Variants in DACH2 observed in about 807,000 individuals in gnomAD.
DACH2 encodes dachshund family transcription factor 2, also known as dachshund homolog 2.
A neutral mutation model predicts 35.8 loss-of-function variants in DACH2; 17 were observed. The observed-to-expected ratio is 0.48, with a 90% CI of 0.33 to 0.71. The LOEUF is 0.71. Among genes scored for constraint, DACH2 ranks in the 30% least tolerant of loss-of-function variants. The probability of loss-of-function intolerance (pLI) is 0.02; values close to 1 mark genes in which losing one functional copy is unlikely to be tolerated. For synonymous variants in DACH2, 195 were observed against 177.3 expected (o/e 1.10, Z -0.79); for missense variants, 469 against 472.7 (o/e 0.99, Z 0.07).
intron 1 of DACH2, among the ~76,000 whole-genome samples, chrX:86,250,922 C>T (rs1342839929): frequency 9.0e-6 from 1 of 111,253 alleles, no homozygotes; most frequent in African/African-American, 3.3e-5. Flanking sequence ...AATCTCACTG[C>T]TGTTGTCTTA....
At chrX:86,226,943 A>C (rs2032838724) in intron 1 of DACH2, among the ~76,000 whole-genome samples, 1 of 111,682 alleles carries the variant, frequency 9.0e-6, no homozygotes, top group East Asian at 2.8e-4. Flanking sequence ...CTGTTATAAA[A>C]ATAAAAATAC....
At chrX:86,431,595 A>C (rs1327344261) in intron 2 of DACH2, among the ~76,000 whole-genome samples, 1 of 111,796 alleles carries the variant, frequency 8.9e-6, no homozygotes, top group African/African-American at 3.2e-5. Context: ...CGAATGGCAT[A>C]CATAGAATGA....
intron 1 of DACH2, among the ~76,000 whole-genome samples, chrX:86,197,934 CA>C (rs1483746943): frequency 8.9e-6 from 1 of 111,970 alleles, no homozygotes; most frequent in East Asian, 2.8e-4. Context: ...CTACAGAACT[CA>C]CCACCCAAAG....
intron 3 of DACH2, among the ~76,000 whole-genome samples, chrX:86,633,204 C>G (rs964101869): frequency 2.7e-5 from 3 of 110,207 alleles, no homozygotes; most frequent in Non-Finnish European, 5.7e-5. Flanking sequence ...ATGGATAAAG[C>G]TCTAGTTGGA....
At chrX:86,768,248 A>T (rs775168723) in intron 7 of DACH2, among the ~76,000 whole-genome samples, 4 of 111,801 alleles carry the variant, frequency 3.6e-5, no homozygotes, top group African/African-American at 6.5e-5. Context: ...GTTTAAGCAA[A>T]GTAATTACAA....
intron 1 of DACH2, among the ~76,000 whole-genome samples, chrX:86,171,393 C>T (rs190694071): frequency 9.0e-6 from 1 of 111,162 alleles, no homozygotes; most frequent in Non-Finnish European, 1.9e-5. Flanking sequence ...GTCCATGTCT[C>T]TGGGCCTAGT....
At chrX:86,335,508 G>A (rs1338395747) in intron 1 of DACH2, among the ~76,000 whole-genome samples, 1 of 111,063 alleles carries the variant, frequency 9.0e-6, no homozygotes. Flanking sequence ...TATTCTCTTT[G>A]TAGAAATTGT....
At chrX:86,465,771 T>C (rs1569411550) in intron 2 of DACH2, among the ~76,000 whole-genome samples, 1 of 112,210 alleles carries the variant, frequency 8.9e-6, no homozygotes, top group African/African-American at 3.2e-5. Flanking sequence ...CAAATATGGA[T>C]AATATGTTTG....
intron 3 of DACH2, among the ~76,000 whole-genome samples, chrX:86,612,120 T>G (rs183330592): frequency 2.2e-4 from 24 of 108,494 alleles, no homozygotes; most frequent in African/African-American, 8.0e-4. Context: ...GGTTCCCTTC[T>G]TGCCCGGGTT....
chrX:86,796,809 C>A (rs1259905917), intron 7 of DACH2, among the ~76,000 whole-genome samples: 1 of 111,383 alleles, frequency 9.0e-6, no homozygotes, highest in Non-Finnish European at 1.9e-5. Context: ...GCTCTGAGTA[C>A]AATAGTCACA....
chrX:86,739,735 C>T lies in DACH2; in HGVS notation c.1105-12C>T. On this transcript the variant is annotated splice_polypyrimidine_tract_variant and intron_variant, in intron 6 of 11. Coordinates refer to ENST00000373125, the MANE Select transcript of DACH2 (RefSeq NM_053281.3). ...TAGATGACATTTCCTTTTGTGTTTCCTTTTGTGTCAGGAGCGGATCCCAGA... is the reference window on the plus strand; with the variant it reads ...TAGATGACATTTCCTTTTGTGTTTCTTTTTGTGTCAGGAGCGGATCCCAGA... 6 of 1,166,697 alleles carry T rather than the reference C, an allele frequency of 5.1e-6. No homozygotes were observed. The highest frequency in any genetic ancestry group is 6.9e-6 in the Non-Finnish European group (6 of 872,862).
At chrX:86,280,789 G>A (rs2034010564) in intron 1 of DACH2, among the ~76,000 whole-genome samples, 1 of 111,577 alleles carries the variant, frequency 9.0e-6, no homozygotes, top group South Asian at 3.7e-4. Flanking sequence ...ACAAATAGCA[G>A]CGTTTGCAAT....
At chrX:86,452,816 C>T (rs924859296) in intron 2 of DACH2, among the ~76,000 whole-genome samples, 8 of 110,725 alleles carry the variant, frequency 7.2e-5, no homozygotes, top group Non-Finnish European at 1.5e-4. Flanking sequence ...TCTCTATATC[C>T]TTCAGTTCAG....
At chrX:86,149,628 G>A (rs1270360762) in intron 1 of DACH2, among the ~76,000 whole-genome samples, 1 of 111,586 alleles carries the variant, frequency 9.0e-6, no homozygotes, top group Non-Finnish European at 1.9e-5. Context: ...TCCCCATCCC[G>A]TGTGTTTGTT....
At chrX:86,422,734 C>T (rs1249551449) in intron 2 of DACH2, among the ~76,000 whole-genome samples, 2 of 110,644 alleles carry the variant, frequency 1.8e-5, no homozygotes, top group African/African-American at 6.6e-5. Flanking sequence ...CTCTAGTCTC[C>T]CTGTTGTGCT....
At chrX:86,774,150 A>C in intron 7 of DACH2, among the ~76,000 whole-genome samples, 1 of 112,208 alleles carries the variant, frequency 8.9e-6, no homozygotes, top group Non-Finnish European at 1.9e-5. Flanking sequence ...TGTTTCACTT[A>C]ATAACTCAAG....
At chrX:86,243,421 C>A (rs182462921) in intron 1 of DACH2, among the ~76,000 whole-genome samples, 241 of 111,868 alleles carry the variant, frequency 2.2e-3, no homozygotes, top group African/African-American at 7.4e-3. Flanking sequence ...GCCATAACAT[C>A]ATTTTGTAAA....
chrX:86,442,663 GGGAGTT>G, intron 2 of DACH2, among the ~76,000 whole-genome samples: 1 of 109,282 alleles, frequency 9.2e-6, no homozygotes, highest in African/African-American at 3.3e-5. Context: ...GTTTTCTTCT[GGGAGTT>G]TTTTTCATTT....
At chrX:86,664,508 A>G (rs779213540) in intron 4 of DACH2, among the ~76,000 whole-genome samples, 1 of 111,702 alleles carries the variant, frequency 9.0e-6, no homozygotes, top group Non-Finnish European at 1.9e-5. Flanking sequence ...AAATGCAAAC[A>G]TCCTTCATAA....
Sources: allele counts gnomAD v4.1 joint callset (sites outside exome capture counted in the v4.1 genomes callset), GRCh38; gene constraint gnomAD v4.1.1; transcripts MANE v1.5; gene names NCBI Gene and HGNC (gene_info 2026-07-23, HGNC 2026-07-21).